Variants in WLS observed in about 807,000 individuals in gnomAD.
WLS encodes the protein Wnt ligand secretion mediator, also known as protein wntless homolog.
WLS carries 23 observed loss-of-function variants against 62.8 expected under a neutral mutation model. The ratio of observed to expected loss-of-function variants is 0.37; its 90% CI spans 0.26 to 0.52. WLS has a LOEUF of 0.52. Ranked by LOEUF, WLS falls within the 20% of genes least tolerant of loss-of-function variation. The probability of loss-of-function intolerance (pLI) is 0.92; values close to 1 mark genes in which losing one functional copy is unlikely to be tolerated. For missense variants in WLS, 615 were observed against 697.3 expected, an observed-to-expected ratio of 0.88 and a Z score of 1.33; for synonymous variants, 246 against 244.1, an observed-to-expected ratio of 1.01 and a Z score of -0.07.
downstream of WLS, among the ~76,000 whole-genome samples, chr1:68,124,261 C>A (rs1423281048): frequency 6.6e-6 from 1 of 152,174 alleles, no homozygotes; most frequent in Non-Finnish European, 1.5e-5. Flanking sequence ...CTGATCGTAT[C>A]ACTTTTCTGC....
At chr1:68,220,357 C>T (rs1649892592) in intron 1 of WLS, among the ~76,000 whole-genome samples, 1 of 152,192 alleles carries the variant, frequency 6.6e-6, no homozygotes, top group Non-Finnish European at 1.5e-5. Context: ...GCAACCTCTC[C>T]TTCAGAGAAA....
Position 68,137,772 on chromosome 1 carries a change from A to T in WLS, c.1516+8T>A. ...GACTTAAGCTGTTCTAAAGAGACAGAAACTCACCATTGGACTGGTCTTCTC... is the reference window on the plus strand; with the variant it reads ...GACTTAAGCTGTTCTAAAGAGACAGTAACTCACCATTGGACTGGTCTTCTC... On this transcript the variant is annotated splice_region_variant and intron_variant, in intron 11 of 11. Transcript: ENST00000262348. The T allele has an allele frequency of 6.2e-7, 1 of 1,613,228 alleles. No individual in the cohort carries two copies. Among genetic ancestry groups the T allele is most frequent in the Non-Finnish European group, 8.5e-7 (1 of 1,179,568 alleles).
chr1:68,162,520 C>T, intron 2 of WLS: 2 of 1,612,652 alleles, frequency 1.2e-6, no homozygotes, highest in South Asian at 2.2e-5. Context: ...CGCCTACCCC[C>T]TGCGATCAAA....
chr1:68,219,890 T>A (rs966372215), intron 1 of WLS, among the ~76,000 whole-genome samples: 2 of 152,150 alleles, frequency 1.3e-5, no homozygotes, highest in African/African-American at 4.8e-5. Context: ...AGCAAAAAAA[T>A]TTCCCAGTGG....
chr1:68,206,191 A>G (rs1218153946), intron 1 of WLS, among the ~76,000 whole-genome samples: 1 of 152,218 alleles, frequency 6.6e-6, no homozygotes, highest in Non-Finnish European at 1.5e-5. Context: ...AAAATGAATG[A>G]CATGTCATAT....
intron 11 of WLS, chr1:68,127,185 C>A (rs1035755564): frequency 1.1e-5 from 3 of 266,750 alleles, no homozygotes; most frequent in African/African-American, 2.3e-5. Context: ...CAGAGTAAGA[C>A]TTTGACTCTA....
intron 1 of WLS, among the ~76,000 whole-genome samples, chr1:68,228,887 G>GTT (rs1236946364): frequency 1.1e-5 from 1 of 87,410 alleles, no homozygotes; most frequent in Non-Finnish European, 2.3e-5. Flanking sequence ...AAAAAAATGT[G>GTT]TTTTTTTTTG....
At chr1:68,113,234 T>TTG (rs1646251191) in intron 11 of WLS, among the ~76,000 whole-genome samples, 1 of 152,162 alleles carries the variant, frequency 6.6e-6, no homozygotes, top group East Asian at 1.9e-4. Flanking sequence ...TATAGATAGG[T>TTG]TGTTGAGTCA....
At chr1:68,103,705 A>T (rs1286645552) in intron 11 of WLS, among the ~76,000 whole-genome samples, 1 of 152,188 alleles carries the variant, frequency 6.6e-6, no homozygotes, top group African/African-American at 2.4e-5. Context: ...GGGTGGTCTA[A>T]GCATAGGAGC....
At chr1:68,124,581 A>G (rs1487274859), downstream of WLS, among the ~76,000 whole-genome samples, 2 of 152,160 alleles carry the variant, frequency 1.3e-5, no homozygotes, top group African/African-American at 4.8e-5. Flanking sequence ...TCCCTGCTGG[A>G]CTGGGAGGCA....
At chr1:68,198,134 A>C (rs1164819862) in intron 1 of WLS, among the ~76,000 whole-genome samples, 1 of 152,204 alleles carries the variant, frequency 6.6e-6, no homozygotes, top group East Asian at 1.9e-4. Context: ...CCCATAGTAT[A>C]AGGTTTAACT....
intron 6 of WLS, among the ~76,000 whole-genome samples, chr1:68,149,963 C>T (rs761364965): frequency 8.5e-5 from 13 of 152,294 alleles, no homozygotes; most frequent in Non-Finnish European, 1.6e-4. Context: ...ATGAGGGACC[C>T]GAGATTCAGA....
At chr1:68,198,488 A>G (rs1335265084) in intron 1 of WLS, among the ~76,000 whole-genome samples, 2 of 152,232 alleles carry the variant, frequency 1.3e-5, no homozygotes, top group African/African-American at 4.8e-5. Flanking sequence ...TAAGACTTCT[A>G]ACAAATTCAA....
chr1:68,114,273 T>C (rs1403577748), intron 11 of WLS, among the ~76,000 whole-genome samples: 1 of 152,198 alleles, frequency 6.6e-6, no homozygotes, highest in Admixed American at 6.5e-5. Context: ...TGCCAGCTAC[T>C]GGTTAACTTG....
At chr1:68,192,958 A>AAT (rs5774923) in intron 2 of WLS, among the ~76,000 whole-genome samples, 8 of 131,072 alleles carry the variant, frequency 6.1e-5, no homozygotes. Context: ...AAAAAAAAAA[A>AAT]TTTTGCTGGG....
intron 2 of WLS, among the ~76,000 whole-genome samples, chr1:68,180,339 A>C (rs1368578501): frequency 2.0e-5 from 3 of 152,146 alleles, no homozygotes. Flanking sequence ...TAATGAAGGC[A>C]TAATCTTGCT....
chr1:68,115,565 T>C (rs886632668), intron 11 of WLS, among the ~76,000 whole-genome samples: 4 of 152,196 alleles, frequency 2.6e-5, no homozygotes, highest in East Asian at 1.9e-4. Flanking sequence ...AGCATGCTCA[T>C]TGGTAATTGG....
chr1:68,128,241 C>T (rs546072024), intron 11 of WLS, among the ~76,000 whole-genome samples: 1 of 152,324 alleles, frequency 6.6e-6, no homozygotes, highest in East Asian at 1.9e-4. Flanking sequence ...TACTTTGGGC[C>T]AAGCTGAACC....
chr1:68,156,391 A>G (rs1646899768), intron 3 of WLS, among the ~76,000 whole-genome samples: 1 of 152,210 alleles, frequency 6.6e-6, no homozygotes, highest in Admixed American at 6.5e-5. Flanking sequence ...AAGATAACAA[A>G]GAGTCCATAG....
Sources: allele counts gnomAD v4.1 joint callset (sites outside exome capture counted in the v4.1 genomes callset), GRCh38; gene constraint gnomAD v4.1.1; transcripts MANE v1.5; gene names NCBI Gene and HGNC (gene_info 2026-07-23, HGNC 2026-07-21).